Variants in SF3B3 observed in about 807,000 individuals in gnomAD.
The protein encoded by SF3B3 is SAP 130.
In SF3B3, 33 loss-of-function variants were observed where a neutral mutation model predicts 139.2. That is an observed-to-expected ratio of 0.24 (90% CI 0.18 to 0.32). The LOEUF is 0.32. Among genes scored for constraint, SF3B3 ranks in the 10% least tolerant of loss-of-function variants. SF3B3 has a pLI of 1.00. For synonymous variants in SF3B3, 596 were observed against 563.6 expected (o/e 1.06, Z -0.81); for missense variants, 818 against 1,509.4 (o/e 0.54, Z 7.59).
Position 70,554,498 on chromosome 16 carries a change from G to A in SF3B3, c.1455G>A (p.Leu485=), listed in dbSNP as rs2050361332. 6.2e-7 allele frequency: 1 copy of A among 1,614,126 alleles called. No individual in the cohort carries two copies. The highest frequency in any genetic ancestry group is 8.5e-7 in the Non-Finnish European group (1 of 1,179,990). The change falls in exon 12 of 26, where the codon TTG becomes TTA. Residue 485 remains leucine, a synonymous_variant. Coordinates refer to ENST00000302516, the MANE Select transcript of SF3B3 (RefSeq NM_012426.5). ...CTTTCGTGAATGCCACCCTAGTGTT[G>A]TCCATTGGAGAAACTGTAGAAGAAG... ...IVSFVNATLV[L]SIGETVEEVT... is the part of the protein sequence containing the mutation.
intron 6 of SF3B3, among the ~76,000 whole-genome samples, chr16:70,535,884 C>T (rs895719229): frequency 6.6e-6 from 1 of 150,988 alleles, no homozygotes; most frequent in African/African-American, 2.4e-5. Flanking sequence ...TTTTTTCTTT[C>T]TCATGATATA....
chr16:70,548,449 A>T lies in SF3B3; in HGVS notation c.1402+7A>T, dbSNP rs1265411212. The T allele has an allele frequency of 6.2e-7, 1 of 1,613,328 alleles. No individual in the cohort carries two copies. The highest frequency in any genetic ancestry group is 8.5e-7 in the Non-Finnish European group (1 of 1,179,620). On this transcript the variant is annotated splice_region_variant and intron_variant, in intron 11 of 25. Transcript: ENST00000302516. ...GTGCGTCGACACATTGAAGGTAAGC[A>T]GCTTTTTCCCAATAGTCAAAATGAG...
chr16:70,562,961 G>GT (rs2050443426), intron 17 of SF3B3, among the ~76,000 whole-genome samples: 1 of 151,966 alleles, frequency 6.6e-6, no homozygotes, highest in Non-Finnish European at 1.5e-5. Flanking sequence ...CAAGTACCTG[G>GT]TGGGACTGTA....
At chr16:70,564,376 T>C (rs1395103658) in intron 18 of SF3B3, among the ~76,000 whole-genome samples, 2 of 152,176 alleles carry the variant, frequency 1.3e-5, no homozygotes, top group African/African-American at 2.4e-5. Flanking sequence ...TATCAAAAGT[T>C]TAAACTCCTG....
intron 15 of SF3B3, among the ~76,000 whole-genome samples, chr16:70,558,288 TA>T (rs11409419): frequency 5.8e-4 from 87 of 150,078 alleles, no homozygotes; most frequent in African/African-American, 2.1e-3. Flanking sequence ...TTTTTTTCTT[TA>T]AAAAAAAATA....
intron 20 of SF3B3, 69 bp downstream of exon 20, chr16:70,565,593 T>C (rs1056603847): frequency 7.6e-6 from 11 of 1,454,992 alleles, no homozygotes; most frequent in African/African-American, 2.8e-5. Context: ...GCTTATGTTA[T>C]GGATCAGGTC....
At chr16:70,548,156 C>T (rs1190755890) in intron 10 of SF3B3, among the ~76,000 whole-genome samples, 1 of 150,620 alleles carries the variant, frequency 6.6e-6, no homozygotes, top group African/African-American at 2.5e-5. Context: ...CCCTCTCAGA[C>T]ATCCTGTAAC....
chr16:70,542,940 G>T (rs544553824), intron 9 of SF3B3, among the ~76,000 whole-genome samples: 23 of 151,894 alleles, frequency 1.5e-4, no homozygotes, highest in African/African-American at 5.6e-4. Flanking sequence ...AGCCAGGATG[G>T]TCTCGATATT....
At chr16:70,550,556 C>T (rs779482551) in intron 11 of SF3B3, 1 of 517,968 alleles carries the variant, frequency 1.9e-6, no homozygotes, top group Non-Finnish European at 2.5e-6. Flanking sequence ...TTCCTTCTGC[C>T]TGCACATGCA....
At chr16:70,570,986 G>C (rs779963527) in intron 24 of SF3B3, 109 bp from the exon 25 acceptor site, 6 of 763,984 alleles carry the variant, frequency 7.9e-6, no homozygotes, top group Non-Finnish European at 1.2e-5. Context: ...GATATTTCCC[G>C]TGTGTTTGTG....
rs1319153048 is a variant in SF3B3 at position 70,565,407 on chromosome 16, G to C, written c.2709G>C (p.Trp903Cys). ...GGTTTTCCAACACTGGTGAAGACTG[G>C]TATGTGCTGGTGGGTGTGGCCAAGG... Reference protein sequence around the residue: ...VCRFSNTGEDWYVLVGVAKDL... With the variant: ...VCRFSNTGEDCYVLVGVAKDL... The change falls in exon 20 of 26, where the codon TGG (tryptophan) becomes TGC (cysteine). Residue 903 changes from tryptophan to cysteine, a missense_variant. Physicochemically the swap from Trp to Cys is radical, Grantham distance 215. Coordinates refer to ENST00000302516, the MANE Select transcript of SF3B3 (RefSeq NM_012426.5). The C allele has an allele frequency of 6.2e-7, 1 of 1,614,186 alleles. No homozygotes were observed. The highest frequency in any genetic ancestry group is 8.5e-7 in the Non-Finnish European group (1 of 1,180,028).
chr16:70,526,940 G>C, intron 2 of SF3B3: 1 of 589,650 alleles, frequency 1.7e-6, no homozygotes, highest in Non-Finnish European at 3.0e-6. Context: ...AATGATTCTT[G>C]TCAGGGCACA....
chr16:70,531,010 G>A, intron 4 of SF3B3, 93 bp downstream of exon 4: 1 of 1,140,094 alleles, frequency 8.8e-7, no homozygotes, highest in South Asian at 1.5e-5. Context: ...GCTCACGCCT[G>A]TAATCCCAGC....
At chr16:70,544,591 G>C (rs1273683410) in intron 10 of SF3B3, 58 bp downstream of exon 10, 15 of 947,452 alleles carry the variant, frequency 1.6e-5, no homozygotes, top group Non-Finnish European at 2.4e-5. Context: ...TGACAAAGTA[G>C]TTTATGGGTT....
chr16:70,535,964 C>T (rs2050161949), intron 6 of SF3B3, among the ~76,000 whole-genome samples: 1 of 152,088 alleles, frequency 6.6e-6, no homozygotes, highest in African/African-American at 2.4e-5. Flanking sequence ...CTCCAGTAAT[C>T]TTCTAAGATA....
intron 2 of SF3B3, among the ~76,000 whole-genome samples, chr16:70,527,565 T>C (rs956733099): frequency 6.6e-6 from 1 of 152,212 alleles, no homozygotes; most frequent in African/African-American, 2.4e-5. Flanking sequence ...ATCCTCATTA[T>C]GGCTCTTCCT....
chr16:70,554,604 G>T lies in SF3B3; in HGVS notation c.1554+7G>T, dbSNP rs1597718498. 3 of 1,614,006 alleles carry T rather than the reference G, an allele frequency of 1.9e-6. No homozygotes were observed. The highest frequency in any genetic ancestry group is 2.5e-6 in the Non-Finnish European group (3 of 1,179,956). On this transcript the variant is annotated splice_region_variant and intron_variant, in intron 12 of 25. Coordinates refer to ENST00000302516, the MANE Select transcript of SF3B3 (RefSeq NM_012426.5). ...AGATGATGCCTTGGTGCAGGTGAGG[G>T]TTCTCAGAGCTTACCTACTTGGCCT...
Position 70,554,540 on chromosome 16 carries a change from C to T in SF3B3, c.1497C>T (p.Phe499=), listed in dbSNP as rs756897429. Residue 499 remains phenylalanine (F), a synonymous_variant, in exon 12 of 26, where the codon TTC becomes TTT. Coordinates refer to ENST00000302516, the MANE Select transcript of SF3B3 (RefSeq NM_012426.5). ...TAGAAGAAGTGACTGACTCTGGGTTCCTGGGGACCACCCCGACCTTGTCCT... is the reference window on the plus strand; with the variant it reads ...TAGAAGAAGTGACTGACTCTGGGTTTCTGGGGACCACCCCGACCTTGTCCT... The part of the protein sequence containing the change: ...ETVEEVTDSG[F]LGTTPTLSCS... The T allele has an allele frequency of 6.2e-7, 1 of 1,614,166 alleles. No individual in the cohort carries two copies. The highest frequency in any genetic ancestry group is 1.7e-5 in the Admixed American group (1 of 60,032).
rs374983814 is a variant in SF3B3 at position 70,565,381 on chromosome 16, A to G, written c.2683A>G (p.Arg895Gly). The G allele has an allele frequency of 6.2e-6, 10 of 1,614,046 alleles. No individual in the cohort carries two copies. Among genetic ancestry groups the G allele is most frequent in the Non-Finnish European group, 8.5e-6 (10 of 1,180,034 alleles). ...NEAAFSVAVC[R>G]FSNTGEDWYV... ...TTCTGTGTGTAGTGTGGCTGTGTGC[A>G]GGTTTTCCAACACTGGTGAAGACTG... The change falls in exon 20 of 26, where the codon AGG (arginine) becomes GGG (glycine). Residue 895 changes from arginine (R) to glycine (G), a missense_variant. Transcript: ENST00000302516.
Sources: gnomAD v4.1 joint callset for allele counts (sites outside exome capture counted in the v4.1 genomes callset) on GRCh38, gnomAD v4.1.1 for gene constraint, MANE v1.5 for transcripts, NCBI Gene and HGNC (gene_info 2026-07-23, HGNC 2026-07-21) for gene names.